Variants in FUT8 observed in about 807,000 individuals in gnomAD.
FUT8 encodes fucosyltransferase 8, also known as alpha-(1,6)-fucosyltransferase.
FUT8 carries 29 observed loss-of-function variants against 71.3 expected under a neutral mutation model. The observed-to-expected ratio is 0.41, with a 90% confidence interval of 0.30 to 0.55. FUT8 has a LOEUF of 0.55. Ranked by LOEUF, FUT8 falls within the 20% of genes least tolerant of loss-of-function variation. FUT8 has a pLI of 0.34. For synonymous variants in FUT8, 254 were observed against 239.3 expected (o/e 1.06, Z -0.57); for missense variants, 544 against 702.1 (o/e 0.77, Z 2.55).
rs543203816 is a variant in FUT8 at position 65,669,549 on chromosome 14, A to G, written c.835+69A>G. The G allele has an allele frequency of 2.7e-4, 279 of 1,043,904 alleles. 2 individuals carry two copies. Among genetic ancestry groups the G allele is most frequent in the Middle Eastern group, 2.5e-3 (12 of 4,796 alleles). The allele number at this position is 1,043,904 out of a possible 1,614,324, so 64.7% of individuals were successfully genotyped here. ...TCAATTACCAGATTATTAGATTTCT[A>G]GGTAGACCTTCATGGAACATACTTA... is the stretch of plus-strand genomic sequence containing the variant. On this transcript the variant is annotated intron_variant, in intron 7 of 10. Coordinates refer to ENST00000673929, the MANE Select transcript of FUT8 (RefSeq NM_001371533.1). This position sits in a 1 kb window ranked among gnomAD's most constrained non-coding sequence, Gnocchi z 4.5.
intron 2 of FUT8, among the ~76,000 whole-genome samples, chr14:65,509,471 T>C (rs1326498238): frequency 6.6e-6 from 1 of 152,146 alleles, no homozygotes; most frequent in African/African-American, 2.4e-5. Context: ...CATTGGTATT[T>C]TGATAGGGAT....
At chr14:65,713,205 G>C (rs1248899184) in intron 7 of FUT8, among the ~76,000 whole-genome samples, 2 of 152,286 alleles carry the variant, frequency 1.3e-5, no homozygotes, top group African/African-American at 4.8e-5. Context: ...GTGACCTCCA[G>C]TTCCATCCAT....
intron 2 of FUT8, among the ~76,000 whole-genome samples, chr14:65,484,399 A>G (rs1173573784): frequency 6.6e-6 from 1 of 152,210 alleles, no homozygotes; most frequent in East Asian, 1.9e-4. Context: ...TACTGGGCTG[A>G]GGAAGTTTTT....
chr14:65,602,017 G>T (rs906979235), intron 3 of FUT8, among the ~76,000 whole-genome samples: 58 of 151,774 alleles, frequency 3.8e-4, no homozygotes, highest in African/African-American at 1.4e-3. Context: ...TGGAGGACAG[G>T]TGGTATTCCG....
Position 65,457,052 on chromosome 14 carries a change from C to G in FUT8, c.-228+1334C>G, listed in dbSNP as rs149824898. On this transcript the variant is annotated intron_variant, in intron 2 of 10. Transcript: ENST00000673929. ...AAATTTGAATTATTCTCTTCCCTAGCTATTTTGAAATGTACAGTCAACTAA... is the reference window on the plus strand; with the variant it reads ...AAATTTGAATTATTCTCTTCCCTAGGTATTTTGAAATGTACAGTCAACTAA... 6.8e-3 allele frequency among the ~76,000 whole-genome samples: 1,039 copies of G among 152,112 alleles called. 10 individuals carry two copies. The highest frequency in any genetic ancestry group is 0.024 in the African/African-American group (987 of 41,480).
intron 1 of FUT8, among the ~76,000 whole-genome samples, chr14:65,416,919 G>T (rs1464743180): frequency 3.3e-5 from 5 of 151,754 alleles, no homozygotes; most frequent in Admixed American, 2.6e-4. Context: ...GAGTATCTGG[G>T]ATTATGGGTG....
intron 2 of FUT8, among the ~76,000 whole-genome samples, chr14:65,533,631 T>G (rs1388024159): frequency 6.6e-6 from 1 of 152,156 alleles, no homozygotes; most frequent in African/African-American, 2.4e-5. Flanking sequence ...CCCTTTATTT[T>G]TTTTTCTCTT....
intron 7 of FUT8, among the ~76,000 whole-genome samples, chr14:65,697,124 A>C (rs554630904): frequency 1.3e-5 from 2 of 152,304 alleles, no homozygotes; most frequent in African/African-American, 2.4e-5. Flanking sequence ...TGAAAGCCAA[A>C]TGTGAGGTAT....
intron 3 of FUT8, among the ~76,000 whole-genome samples, chr14:65,575,390 A>G (rs1011451476): frequency 6.6e-6 from 1 of 152,140 alleles, no homozygotes; most frequent in Non-Finnish European, 1.5e-5. Context: ...ATATGTATAC[A>G]GTACATATGT....
chr14:65,512,917 A>AG (rs1382240037), intron 2 of FUT8, among the ~76,000 whole-genome samples: 1 of 151,426 alleles, frequency 6.6e-6, no homozygotes. Flanking sequence ...CAAAAAAAAA[A>AG]AAAAAAAAGA....
At chr14:65,677,974 C>G (rs1228263434) in intron 7 of FUT8, among the ~76,000 whole-genome samples, 2 of 152,178 alleles carry the variant, frequency 1.3e-5, no homozygotes, top group Non-Finnish European at 2.9e-5. Flanking sequence ...CAGGACAGAT[C>G]AGTGTCATTG....
chr14:65,709,419 A>G (rs1053064118), intron 7 of FUT8, among the ~76,000 whole-genome samples: 2 of 152,206 alleles, frequency 1.3e-5, no homozygotes. Flanking sequence ...TAAACATTGA[A>G]TCACATAGTA....
chr14:65,575,065 GTATTT>G (rs1027913555), intron 3 of FUT8, among the ~76,000 whole-genome samples: 8 of 150,934 alleles, frequency 5.3e-5, no homozygotes, highest in Middle Eastern at 3.2e-3. Context: ...CTTCATTCCT[GTATTT>G]TATTTTATTT....
chr14:65,455,962 A>G (rs2065888745), intron 2 of FUT8, among the ~76,000 whole-genome samples: 1 of 152,192 alleles, frequency 6.6e-6, no homozygotes, highest in South Asian at 2.1e-4. Context: ...ACTTTAAATT[A>G]TGGGGCTGGA....
chr14:65,434,517 A>C (rs562194631), intron 1 of FUT8, among the ~76,000 whole-genome samples: 5 of 152,352 alleles, frequency 3.3e-5, no homozygotes, highest in African/African-American at 1.2e-4. Context: ...AGGGAAAAGG[A>C]ATTTGAAGTA....
chr14:65,394,259 T>C, the FUT8 span, among the ~76,000 whole-genome samples: 2 of 152,080 alleles, frequency 1.3e-5, no homozygotes, highest in African/African-American at 4.8e-5. Flanking sequence ...GTGCCTGGCC[T>C]GGGGTTTCCC....
In FUT8 at chr14:65,643,515, G is replaced by C. The variant is rs536823959; in HGVS notation, c.597+13909G>C. On this transcript the variant is annotated intron_variant, in intron 6 of 10. Coordinates refer to ENST00000673929, the MANE Select transcript of FUT8 (RefSeq NM_001371533.1). This position sits in a 1 kb window ranked among gnomAD's most constrained non-coding sequence, Gnocchi z 4.5. ...TAAAAATACAAAAGATTAGCCGGGC[G>C]TGGTGGCGGGCACCTGTAGTCTCAG... Among the ~76,000 whole-genome samples the C allele has an allele frequency of 6.6e-6, 1 of 152,086 alleles. No homozygotes were observed. Among genetic ancestry groups the C allele is most frequent in the Non-Finnish European group, 1.5e-5 (1 of 68,010 alleles).
At chr14:65,668,330 C>A (rs1892315734) in intron 6 of FUT8, among the ~76,000 whole-genome samples, 1 of 152,010 alleles carries the variant, frequency 6.6e-6, no homozygotes, top group Admixed American at 6.6e-5. Flanking sequence ...GGTCTAATAT[C>A]CAGAATCTAT....
At chr14:65,570,178 T>A (rs942522806) in intron 3 of FUT8, among the ~76,000 whole-genome samples, 3 of 152,050 alleles carry the variant, frequency 2.0e-5, no homozygotes, top group Admixed American at 1.3e-4. Flanking sequence ...CTGTCTAGCC[T>A]TGGAGCCATA....
Sources: gnomAD v4.1 joint callset for allele counts (sites outside exome capture counted in the v4.1 genomes callset) on GRCh38, gnomAD v4.1.1 for gene constraint, Gnocchi (gnomAD v3.1) non-coding constraint, MANE v1.5 for transcripts, NCBI Gene and HGNC (gene_info 2026-07-23, HGNC 2026-07-21) for gene names.